The following RCBTB1 variants were observed in gnomAD, a reference collection of about 807,000 sequenced individuals.
RCBTB1 encodes the protein RCC1 and BTB domain containing protein 1.
Under a neutral mutation model 62.4 loss-of-function variants are expected in RCBTB1, and 46 were observed. The observed-to-expected ratio is 0.74, with a 90% CI of 0.58 to 0.94. RCBTB1 has a LOEUF of 0.94. Ranked by LOEUF, RCBTB1 falls within the 40% of genes least tolerant of loss-of-function variation. RCBTB1 has a pLI of 0.00. For synonymous variants in RCBTB1, 222 were observed against 245.8 expected (o/e 0.90, Z 0.91); for missense variants, 565 against 654.9 (o/e 0.86, Z 1.50).
Position 49,552,193 on chromosome 13 carries a change from G to T in RCBTB1, c.696C>A (p.Ser232Arg). 6.3e-7 allele frequency: 1 copy of T among 1,581,354 alleles called. No individual in the cohort carries two copies. The highest frequency in any genetic ancestry group is 8.6e-7 in the Non-Finnish European group (1 of 1,162,124). ...CCACACGTACCTGGTTCACACACACGCTGTGCAAAGCTGCCACTCTCACAG... is the reference window on the plus strand; with the variant it reads ...CCACACGTACCTGGTTCACACACACTCTGTGCAAAGCTGCCACTCTCACAG... ...LTPVRVAALH[S>R]VCVNQIVCGY... The change falls in exon 7 of 13, where the codon AGC becomes AGA. Residue 232 changes from serine to arginine, a missense_variant. By Grantham distance (110) the Ser-to-Arg change is moderately radical. Coordinates refer to ENST00000378302, the MANE Select transcript of RCBTB1 (RefSeq NM_018191.4).
Position 49,534,072 on chromosome 13 carries a change from T to A in RCBTB1, c.*50A>T. 4 of 1,584,868 alleles carry A rather than the reference T, an allele frequency of 2.5e-6. No individual in the cohort carries two copies. The highest frequency in any genetic ancestry group is 3.4e-6 in the Non-Finnish European group (4 of 1,164,224). On this transcript the variant is annotated 3_prime_UTR_variant, in exon 13 of 13. Transcript: ENST00000378302. The stretch of plus-strand genomic sequence containing the variant: ...ACCCGTAGAGCACAAACTGGACACA[T>A]CCTCAACAGTGCCCCAGAGCACTCA...
At chr13:49,534,453 A>G (rs1959778533) in intron 12 of RCBTB1, among the ~76,000 whole-genome samples, 191 bp from the exon 13 acceptor site, 1 of 152,124 alleles carries the variant, frequency 6.6e-6, no homozygotes, top group Non-Finnish European at 1.5e-5. Context: ...TATTTATTCA[A>G]CGCAGTAAAA....
At chr13:49,579,999 A>T (rs1964004096) in intron 2 of RCBTB1, among the ~76,000 whole-genome samples, 1 of 152,122 alleles carries the variant, frequency 6.6e-6, no homozygotes, top group South Asian at 2.1e-4. Flanking sequence ...CTTTCATCTC[A>T]TTCATTTCAT....
intron 2 of RCBTB1, among the ~76,000 whole-genome samples, chr13:49,569,312 G>T (rs528797260): frequency 2.9e-4 from 44 of 152,196 alleles, no homozygotes; most frequent in African/African-American, 1.0e-3. Flanking sequence ...AGTAGCTCAC[G>T]CCTGTAATCC....
chr13:49,562,776 C>CT (rs58896397), intron 4 of RCBTB1, among the ~76,000 whole-genome samples: 1 of 61,342 alleles, frequency 1.6e-5, no homozygotes, highest in Non-Finnish European at 3.3e-5. Flanking sequence ...CCATCCCCGG[C>CT]TTTTTTTTTT....
intron 2 of RCBTB1, among the ~76,000 whole-genome samples, chr13:49,575,090 T>C (rs905295036): frequency 1.3e-5 from 2 of 152,126 alleles, no homozygotes; most frequent in Non-Finnish European, 2.9e-5. Context: ...AGTTACTGTT[T>C]AATGGGTACA....
At chr13:49,554,992 A>G (rs1961726214) in intron 6 of RCBTB1, among the ~76,000 whole-genome samples, 2 of 152,242 alleles carry the variant, frequency 1.3e-5, no homozygotes, top group East Asian at 1.9e-4. Flanking sequence ...TCACAGAAAT[A>G]ACCATCAGCT....
chr13:49,543,190 G>A (rs185618352), intron 10 of RCBTB1, among the ~76,000 whole-genome samples: 1 of 152,274 alleles, frequency 6.6e-6, no homozygotes, highest in Non-Finnish European at 1.5e-5. Flanking sequence ...CTTGAACACA[G>A]GAGGTGGAGG....
At chr13:49,545,542 A>G (rs1447354647) in intron 9 of RCBTB1, among the ~76,000 whole-genome samples, 1 of 152,232 alleles carries the variant, frequency 6.6e-6, no homozygotes, top group Non-Finnish European at 1.5e-5. Flanking sequence ...TGTTGTGGTT[A>G]TATGTTAAGT....
chr13:49,583,386 ATGTGTGTGTG>A (rs6145049), intron 1 of RCBTB1, among the ~76,000 whole-genome samples: 2 of 149,826 alleles, frequency 1.3e-5, no homozygotes, highest in Non-Finnish European at 3.0e-5. Flanking sequence ...GCTTTTGTGT[ATGTGTGTGTG>A]TGTGTGTGTG....
intron 8 of RCBTB1, 91 bp from the exon 9 acceptor site, chr13:49,549,739 A>G: frequency 6.7e-6 from 10 of 1,495,224 alleles, no homozygotes; most frequent in Non-Finnish European, 8.9e-6. Context: ...CATGCTTGCA[A>G]TACCTCAGAA....
At chr13:49,551,162 GAGA>G (rs1304914555) in intron 8 of RCBTB1, 161 bp downstream of exon 8, 1 of 662,436 alleles carries the variant, frequency 1.5e-6, no homozygotes, top group Admixed American at 3.3e-5. Flanking sequence ...AGCAGGGAGG[GAGA>G]AGGAGGAAGG....
chr13:49,545,019 A>C (rs1277921517), intron 9 of RCBTB1, among the ~76,000 whole-genome samples, 156 bp from the exon 10 acceptor site: 1 of 152,096 alleles, frequency 6.6e-6, no homozygotes. Context: ...CTACGGTATT[A>C]AAGTAAGTAT....
At chr13:49,563,318 C>G (rs1393485964) in intron 4 of RCBTB1, among the ~76,000 whole-genome samples, 1 of 133,276 alleles carries the variant, frequency 7.5e-6, no homozygotes, top group Non-Finnish European at 1.5e-5. Flanking sequence ...CTCCACTGTA[C>G]TCCTGCCTGG....
intron 1 of RCBTB1, among the ~76,000 whole-genome samples, chr13:49,583,737 G>A (rs1182337825): frequency 2.0e-5 from 3 of 151,986 alleles, no homozygotes; most frequent in Non-Finnish European, 4.4e-5. Context: ...TAGTAGAGAC[G>A]GGGTTTCACC....
At chr13:49,549,024 T>C (rs28682474) in intron 9 of RCBTB1, among the ~76,000 whole-genome samples, 1 of 127,318 alleles carries the variant, frequency 7.9e-6, no homozygotes, top group Non-Finnish European at 1.6e-5. Context: ...TCTTACTACT[T>C]GGGAGGCTGA....
At chr13:49,580,939 G>A (rs927664769) in intron 1 of RCBTB1, among the ~76,000 whole-genome samples, 1 of 152,192 alleles carries the variant, frequency 6.6e-6, no homozygotes, top group Non-Finnish European at 1.5e-5. Flanking sequence ...AGTGTGGCTG[G>A]TCAGATGCTG....
Position 49,567,250 on chromosome 13 carries a change from G to A in RCBTB1, c.30C>T (p.Phe10=). The change falls in exon 3 of 13, where the codon TTC becomes TTT. Residue 10 remains phenylalanine (F), a synonymous_variant. Transcript: ENST00000378302. MVDVGKWPI[F]TLLSPQEIAS... is the part of the protein sequence containing the mutation. ...CGATCTCTTGAGGGGAGAGTAGAGT[G>A]AAGATGGGCCACTTTCCGACATCCA... The A allele has an allele frequency of 1.2e-6, 2 of 1,614,028 alleles. No individual in the cohort carries two copies. Among genetic ancestry groups the A allele is most frequent in the African/African-American group, 1.3e-5 (1 of 75,038 alleles).
intron 4 of RCBTB1, among the ~76,000 whole-genome samples, chr13:49,561,729 A>C (rs9568260): frequency 0.24 from 36,914 of 151,798 alleles, 5,784 homozygotes; most frequent in African/African-American, 0.44. Flanking sequence ...AAGAATAAAC[A>C]AACAAGAATA....
Sources: allele counts gnomAD v4.1 joint callset (sites outside exome capture counted in the v4.1 genomes callset), GRCh38; gene constraint gnomAD v4.1.1; transcripts MANE v1.5; gene names NCBI Gene and HGNC (gene_info 2026-07-23, HGNC 2026-07-21).